MAML3: variants seen among roughly 807,000 people sequenced by gnomAD.
MAML3 encodes the protein mastermind-like protein 3.
Under a neutral mutation model 101.9 loss-of-function variants are expected in MAML3, and 27 were observed. That is an observed-to-expected ratio of 0.27 (90% confidence interval 0.20 to 0.37). The LOEUF (loss-of-function observed/expected upper bound fraction) is 0.37, where lower values mean the gene tolerates loss of function less well. Among genes scored for constraint, MAML3 ranks in the 10% least tolerant of loss-of-function variants. The pLI, the probability that MAML3 is intolerant of heterozygous loss-of-function variation, is 1.00. For synonymous variants in MAML3, 501 were observed against 555.9 expected (o/e 0.90, Z 1.39); for missense variants, 1,316 against 1,444.9 (o/e 0.91, Z 1.45).
At chr4:139,885,659 C>T (rs1281550456) in intron 2 of MAML3, among the ~76,000 whole-genome samples, 1 of 151,118 alleles carries the variant, frequency 6.6e-6, no homozygotes, top group African/African-American at 2.4e-5. Context: ...CGCCGTGGCT[C>T]ACACCTGTAA....
intron 2 of MAML3, among the ~76,000 whole-genome samples, chr4:139,868,910 A>G (rs1375306830): frequency 6.6e-6 from 1 of 152,250 alleles, no homozygotes; most frequent in Admixed American, 6.5e-5. Flanking sequence ...AGCTCACAGG[A>G]AAAGAATTCT....
rs117783085 is a variant in MAML3 at position 140,146,613 on chromosome 4, G to C, written c.468+6247C>G. Among the ~76,000 whole-genome samples the C allele has an allele frequency of 2.8e-3, 432 of 152,260 alleles. 13 individuals carry two copies. The East Asian group carries it at 0.069, about 24-fold the overall frequency. ...ACTAAATAGTGAATTTTTGGAATCT[G>C]TCTGGAAAGCAGGCTGTATTTGTAA... On this transcript the variant is annotated intron_variant, in intron 1 of 4. Coordinates refer to ENST00000509479, the MANE Select transcript of MAML3 (RefSeq NM_018717.5).
chr4:139,853,022 C>T (rs915724950), intron 2 of MAML3, among the ~76,000 whole-genome samples: 2 of 152,188 alleles, frequency 1.3e-5, no homozygotes, highest in African/African-American at 4.8e-5. Context: ...ACACAGTACA[C>T]ACTTTACTAC....
intron 1 of MAML3, among the ~76,000 whole-genome samples, chr4:140,032,594 A>G (rs1244351530): frequency 6.6e-6 from 1 of 152,168 alleles, no homozygotes; most frequent in Non-Finnish European, 1.5e-5. Flanking sequence ...ACATTATATA[A>G]TACTGAAAGT....
intron 1 of MAML3, among the ~76,000 whole-genome samples, chr4:139,930,032 G>A (rs939718623): frequency 1.3e-5 from 2 of 152,286 alleles, no homozygotes; most frequent in East Asian, 3.9e-4. Context: ...GTGACTTCAA[G>A]CCTTATTTTA....
chr4:139,748,924 G>T (rs1369329884), intron 2 of MAML3, among the ~76,000 whole-genome samples: 1 of 152,116 alleles, frequency 6.6e-6, no homozygotes, highest in Non-Finnish European at 1.5e-5. Context: ...CTCTTTGCAT[G>T]CACACCATTT....
chr4:139,901,731 C>G (rs1040350301), intron 1 of MAML3, among the ~76,000 whole-genome samples: 2 of 152,168 alleles, frequency 1.3e-5, no homozygotes, highest in Non-Finnish European at 2.9e-5. Flanking sequence ...CATGTTAGAA[C>G]TAAGCGTGAG....
chr4:140,080,825 CTGT>C (rs1727850335), intron 1 of MAML3, among the ~76,000 whole-genome samples: 1 of 152,190 alleles, frequency 6.6e-6, no homozygotes, highest in Non-Finnish European at 1.5e-5. Context: ...TGGCTTTATA[CTGT>C]TGTGCTATTC....
chr4:140,087,710 G>GATAA (rs1222460057), intron 1 of MAML3, among the ~76,000 whole-genome samples: 1 of 152,150 alleles, frequency 6.6e-6, no homozygotes, highest in Non-Finnish European at 1.5e-5. Flanking sequence ...TAATGAGGGT[G>GATAA]TGTACTTTTC....
chr4:139,936,360 G>C (rs1010778333), intron 1 of MAML3, among the ~76,000 whole-genome samples: 2 of 152,144 alleles, frequency 1.3e-5, no homozygotes, highest in African/African-American at 4.8e-5. Context: ...ACACAGGAGT[G>C]CAAACATCTT....
At chr4:139,966,074 C>T (rs1734124567) in intron 1 of MAML3, among the ~76,000 whole-genome samples, 1 of 152,158 alleles carries the variant, frequency 6.6e-6, no homozygotes, top group Admixed American at 6.5e-5. Flanking sequence ...AAGCCACCAC[C>T]ATTCACCCAC....
At chr4:140,095,169 GCTCT>G (rs1393245885) in intron 1 of MAML3, among the ~76,000 whole-genome samples, 1 of 152,220 alleles carries the variant, frequency 6.6e-6, no homozygotes, top group Non-Finnish European at 1.5e-5. Flanking sequence ...ATCTTTCTTT[GCTCT>G]CTTTTTTCAG....
intron 2 of MAML3, among the ~76,000 whole-genome samples, chr4:139,773,871 CT>C (rs1370667967): frequency 6.6e-6 from 1 of 152,170 alleles, no homozygotes; most frequent in African/African-American, 2.4e-5. Context: ...AAGAAGATGA[CT>C]GAGAAATGTT....
intron 1 of MAML3, among the ~76,000 whole-genome samples, chr4:140,118,804 T>G (rs1560899269): frequency 6.6e-6 from 1 of 152,192 alleles, no homozygotes; most frequent in Non-Finnish European, 1.5e-5. Flanking sequence ...TCTCTCCGAT[T>G]GCAAAAATAA....
intron 2 of MAML3, among the ~76,000 whole-genome samples, chr4:139,850,117 A>G (rs1192115585): frequency 1.3e-5 from 2 of 152,130 alleles, no homozygotes; most frequent in African/African-American, 4.8e-5. Context: ...CCTACACCCT[A>G]TGTATTTGTA....
intron 2 of MAML3, among the ~76,000 whole-genome samples, chr4:139,823,230 C>G (rs13146225): frequency 0.3 from 46,203 of 152,106 alleles, 8,627 homozygotes; most frequent in Non-Finnish European, 0.4. Flanking sequence ...AAGTTTCACA[C>G]AGAAGGTTAC....
intron 2 of MAML3, among the ~76,000 whole-genome samples, chr4:139,847,525 C>T (rs886437499): frequency 7.9e-5 from 12 of 152,150 alleles, no homozygotes; most frequent in South Asian, 2.1e-4. Context: ...TCTGGGCTTC[C>T]GTACAAAGCC....
At chr4:140,091,815 G>A (rs1453490979) in intron 1 of MAML3, among the ~76,000 whole-genome samples, 4 of 151,834 alleles carry the variant, frequency 2.6e-5, no homozygotes, top group Non-Finnish European at 4.4e-5. Context: ...AGAAAGCAGG[G>A]CAGACCCAGG....
intron 1 of MAML3, among the ~76,000 whole-genome samples, chr4:140,045,787 C>T (rs1318019375): frequency 6.6e-6 from 1 of 152,130 alleles, no homozygotes; most frequent in East Asian, 1.9e-4. Flanking sequence ...CTCACTGACC[C>T]ATCAGAAGAG....
Sources: gnomAD v4.1 joint callset for allele counts (sites outside exome capture counted in the v4.1 genomes callset) on GRCh38, gnomAD v4.1.1 for gene constraint, MANE v1.5 for transcripts, NCBI Gene and HGNC (gene_info 2026-07-23, HGNC 2026-07-21) for gene names.